ZNF205: variants seen among roughly 807,000 people sequenced by gnomAD.
ZNF205 encodes transcriptional repressor RHIT.
ZNF205 carries 32 observed loss-of-function variants against 53.6 expected under a neutral mutation model. That is an observed-to-expected ratio of 0.60 (90% CI 0.45 to 0.80). ZNF205 has a LOEUF of 0.80. Among genes scored for constraint, ZNF205 ranks in the 30% least tolerant of loss-of-function variants. ZNF205 has a pLI of 0.00. For synonymous variants in ZNF205, 382 were observed against 334.3 expected (o/e 1.14, Z -1.56); for missense variants, 836 against 782.4 (o/e 1.07, Z -0.82).
chr16:3,113,106 G>A (rs555459687), intron 1 of ZNF205, among the ~76,000 whole-genome samples: 2 of 152,192 alleles, frequency 1.3e-5, no homozygotes, highest in African/African-American at 2.4e-5. Context: ...ATTTAGCCTC[G>A]GCTTTCCCTG....
Position 3,115,571 on chromosome 16 carries a change from A to G in ZNF205, c.271+3A>G. 6.3e-7 allele frequency: 1 copy of G among 1,585,672 alleles called. No homozygotes were observed. Among genetic ancestry groups the G allele is most frequent in the Non-Finnish European group, 8.5e-7 (1 of 1,169,864 alleles). On this transcript the variant is annotated splice_donor_region_variant and intron_variant, in intron 3 of 6. Coordinates refer to ENST00000219091, the MANE Select transcript of ZNF205 (RefSeq NM_001042428.2). Reference sequence around the variant, plus strand: ...AGCTCTCTTCCTGCCTGGCGGAGGTAGGAGAGGGACGGGGAAGAGGCGCTT... The same window carrying G: ...AGCTCTCTTCCTGCCTGGCGGAGGTGGGAGAGGGACGGGGAAGAGGCGCTT...
chr16:3,115,669 C>G (rs1957334236), intron 3 of ZNF205, 101 bp downstream of exon 3: 1 of 1,407,938 alleles, frequency 7.1e-7, no homozygotes, highest in Non-Finnish European at 9.5e-7. Flanking sequence ...TCTATGCCAG[C>G]AGGGGACGCT....
At chr16:3,115,764 A>T in intron 3 of ZNF205, 65 bp from the exon 4 acceptor site, 1 of 1,512,738 alleles carries the variant, frequency 6.6e-7, no homozygotes, top group Non-Finnish European at 9.1e-7. Context: ...AGTTTGAGGC[A>T]GCTGAAGTAG....
chr16:3,120,511 A>T lies in ZNF205; in HGVS notation c.*186A>T, dbSNP rs1596301324. 1.4e-6 allele frequency: 1 copy of T among 725,992 alleles called. No homozygotes were observed. Among genetic ancestry groups the T allele is most frequent in the Admixed American group, 3.1e-5 (1 of 32,700 alleles). The allele number at this position is 725,992 out of a possible 1,614,324, so 45.0% of individuals were successfully genotyped here. Reference sequence around the variant, plus strand: ...GCACTCTGCGAATTAAAGGCCTTGGACTTGAAGCGCCCGCCTACACAGCTT... The same window carrying T: ...GCACTCTGCGAATTAAAGGCCTTGGTCTTGAAGCGCCCGCCTACACAGCTT... On this transcript the variant is annotated 3_prime_UTR_variant, in exon 7 of 7. Transcript: ENST00000219091.
In ZNF205 at chr16:3,115,455, C is replaced by A; in HGVS notation, c.158C>A (p.Pro53His). Residue 53 changes from proline to histidine, a missense_variant, in exon 3 of 7, where the codon CCC (proline) becomes CAC (histidine). Coordinates refer to ENST00000219091, the MANE Select transcript of ZNF205 (RefSeq NM_001042428.2). The stretch of plus-strand genomic sequence containing the variant: ...GAGTCACTGCACATTAAGATGGAGC[C>A]CGAAGAGCCACACTCCGAGGGGGCA... The part of the protein sequence containing the change: ...TQESLHIKME[P>H]EEPHSEGASQ... The A allele has an allele frequency of 6.2e-7, 1 of 1,612,118 alleles. No homozygotes were observed. Among genetic ancestry groups the A allele is most frequent in the Middle Eastern group, 1.7e-4 (1 of 6,046 alleles).
intron 2 of ZNF205, 46 bp from the exon 3 acceptor site, chr16:3,115,309 G>C (rs1957325316): frequency 6.9e-7 from 1 of 1,441,198 alleles, no homozygotes; most frequent in Non-Finnish European, 9.2e-7. Context: ...GTGGCCCTGG[G>C]TGTCTCTCCC....
Position 3,115,507 on chromosome 16 carries a change from C to T in ZNF205, c.210C>T (p.Ala70=), listed in dbSNP as rs1450321517. 7 of 1,604,394 alleles carry T rather than the reference C, an allele frequency of 4.4e-6. No individual in the cohort carries two copies. Among genetic ancestry groups the T allele is most frequent in the Non-Finnish European group, 5.1e-6 (6 of 1,176,512 alleles). Residue 70 remains alanine, a synonymous_variant, in exon 3 of 7, where the codon GCC becomes GCT. Coordinates refer to ENST00000219091, the MANE Select transcript of ZNF205 (RefSeq NM_001042428.2). ...GASQEDGAQG[A]WGWAPLSHGS... is the part of the protein sequence containing the mutation. ...CGCAGGAGGATGGGGCTCAAGGTGCCTGGGGCTGGGCACCCCTAAGTCACG... is the reference window on the plus strand; with the variant it reads ...CGCAGGAGGATGGGGCTCAAGGTGCTTGGGGCTGGGCACCCCTAAGTCACG...
rs1387235564 is a variant in ZNF205 at position 3,119,873 on chromosome 16, T to G, written c.1213T>G (p.Ser405Ala). ...DRCAKRFTRR[S>A]DLVTHQGTHT... ...CTGCGCCAAGCGCTTCACCCGCCGC[T>G]CGGACTTGGTCACCCACCAGGGCAC... Residue 405 changes from serine to alanine, a missense_variant, in exon 7 of 7, where the codon TCG becomes GCG. By Grantham distance (99) the Ser-to-Ala change is moderately conservative (BLOSUM62 1). Transcript: ENST00000219091. 3 of 1,613,418 alleles carry G rather than the reference T, an allele frequency of 1.9e-6. No individual in the cohort carries two copies. Among genetic ancestry groups the G allele is most frequent in the Non-Finnish European group, 2.5e-6 (3 of 1,179,880 alleles).
intron 3 of ZNF205, 117 bp downstream of exon 3, chr16:3,115,685 C>T (rs532760819): frequency 7.2e-7 from 1 of 1,390,726 alleles, no homozygotes; most frequent in African/African-American, 1.5e-5. Flanking sequence ...ACGCTATCCC[C>T]CCATGGCCCA....
intron 5 of ZNF205, among the ~76,000 whole-genome samples, chr16:3,118,447 T>C (rs966929919): frequency 6.6e-6 from 1 of 152,098 alleles, no homozygotes; most frequent in African/African-American, 2.4e-5. Flanking sequence ...CCACGGGTGG[T>C]GGAAGCCAGG....
Position 3,112,623 on chromosome 16 carries a change from A to C in ZNF205, c.-74A>C. ...CGCCCGCCCCGTGCAGGCTGTGGAG[A>C]CTCCCTTCCCGGGGGAGGGGGCCCC... On this transcript the variant is annotated 5_prime_UTR_variant, in exon 1 of 7. Transcript: ENST00000219091. The C allele has an allele frequency of 2.4e-5, 7 of 290,670 alleles. No individual in the cohort carries two copies. The highest frequency in any genetic ancestry group is 3.5e-5 in the Non-Finnish European group (5 of 142,562). The allele number at this position is 290,670 out of a possible 1,614,324, so 18.0% of individuals were successfully genotyped here. A position where few individuals can be genotyped will look rare whatever the true frequency, so the allele number is the denominator to read the frequency against.
In ZNF205 at chr16:3,119,472, C is replaced by T. The variant is rs750865328; in HGVS notation, c.812C>T (p.Thr271Met). The part of the protein sequence containing the change: ...PDAAPPDPSP[T>M]EPQEYRVPEK... Reference sequence around the variant, plus strand: ...GCAGCTCCGCCAGACCCCAGTCCCACGGAGCCCCAGGAGTACCGCGTCCCG... The same window carrying T: ...GCAGCTCCGCCAGACCCCAGTCCCATGGAGCCCCAGGAGTACCGCGTCCCG... Residue 271 changes from threonine to methionine, a missense_variant, in exon 7 of 7, where the codon ACG (threonine) becomes ATG (methionine). Transcript: ENST00000219091. 5 of 1,589,438 alleles carry T rather than the reference C, an allele frequency of 3.1e-6. No individual in the cohort carries two copies. Among genetic ancestry groups the T allele is most frequent in the Admixed American group, 1.8e-5 (1 of 56,930 alleles).
At position 3,120,300 on chromosome 16, in the gene ZNF205, C is replaced by T; in HGVS notation, c.1640C>T (p.Ala547Val). Reference protein sequence around the residue: ...MLGAAAAGALATPPPAPT With the variant: ...MLGAAAAGALVTPPPAPT Reference sequence around the variant, plus strand: ...GGGGCGGCGGCGGCGGGGGCTCTGGCCACACCCCCACCCGCTCCCACCTAG... The same window carrying T: ...GGGGCGGCGGCGGCGGGGGCTCTGGTCACACCCCCACCCGCTCCCACCTAG... Residue 547 changes from alanine to valine, a missense_variant, in exon 7 of 7, where the codon GCC becomes GTC. Transcript: ENST00000219091. 6 of 1,577,118 alleles carry T rather than the reference C, an allele frequency of 3.8e-6. No homozygotes were observed. Among genetic ancestry groups the T allele is most frequent in the Non-Finnish European group, 5.1e-6 (6 of 1,169,424 alleles).
At position 3,120,341 on chromosome 16, in the gene ZNF205, G is replaced by C. The variant is rs765524146; in HGVS notation, c.*16G>C. ...TCCCACCTAGGAGGCCAGGAAAGGG[G>C]GAGCGGGGCGCCCAGGGCCACTGGA... On this transcript the variant is annotated 3_prime_UTR_variant, in exon 7 of 7. Coordinates refer to ENST00000219091, the MANE Select transcript of ZNF205 (RefSeq NM_001042428.2). 2.0e-6 allele frequency: 3 copies of C among 1,492,154 alleles called. No individual in the cohort carries two copies. The highest frequency in any genetic ancestry group is 2.6e-5 in the South Asian group (2 of 76,252). The allele number at this position is 1,492,154 out of a possible 1,614,324, so 92.4% of individuals were successfully genotyped here.
intron 5 of ZNF205, among the ~76,000 whole-genome samples, chr16:3,117,442 C>CTTTTTTTTT (rs139893783): frequency 1.8e-4 from 13 of 73,178 alleles, no homozygotes; most frequent in Admixed American, 2.1e-4. Flanking sequence ...AGTCCCAGAG[C>CTTTTTTTTT]TTTTTTTTTT....
rs542376586 is a variant in ZNF205 at position 3,119,494 on chromosome 16, C to T, written c.834C>T (p.Val278=). ...CCACGGAGCCCCAGGAGTACCGCGT[C>T]CCGGAGAAGCCCAACGAGGAGGAGA... is the stretch of plus-strand genomic sequence containing the variant. ...PSPTEPQEYR[V]PEKPNEEEKG... Residue 278 remains valine (V), a synonymous_variant, in exon 7 of 7, where the codon GTC becomes GTT. Transcript: ENST00000219091. 1.9e-5 allele frequency: 30 copies of T among 1,593,504 alleles called. 1 individual carries two copies. The South Asian group carries it at 3.3e-4, about 17-fold the overall frequency.
rs886969594 is a variant in ZNF205 at position 3,115,562 on chromosome 16, G to C, written c.265G>C (p.Gly89Arg). 34 of 1,588,718 alleles carry C rather than the reference G, an allele frequency of 2.1e-5. No individual in the cohort carries two copies. Among genetic ancestry groups the C allele is most frequent in the Non-Finnish European group, 2.7e-5 (32 of 1,171,316 alleles). Residue 89 changes from glycine to arginine, a missense_variant, in exon 3 of 7, where the codon GGC becomes CGC. Transcript: ENST00000219091. ...TAAGGAGAAAGCTCTCTTCCTGCCT[G>C]GCGGAGGTAGGAGAGGGACGGGGAA... is the stretch of plus-strand genomic sequence containing the variant. ...GSKEKALFLP[G>R]GALPSPRIPV...
intron 5 of ZNF205, 134 bp downstream of exon 5, chr16:3,116,681 C>A: frequency 7.6e-7 from 1 of 1,308,810 alleles, no homozygotes; most frequent in Non-Finnish European, 1.0e-6. Flanking sequence ...TCTATGGAAA[C>A]TTCTGTAATG....
At position 3,115,480 on chromosome 16, in the gene ZNF205, A is replaced by G. The variant is rs901952156; in HGVS notation, c.183A>G (p.Ala61=). 3.7e-6 allele frequency: 6 copies of G among 1,610,096 alleles called. No homozygotes were observed. Among genetic ancestry groups the G allele is most frequent in the Admixed American group, 1.7e-5 (1 of 59,338 alleles). The stretch of plus-strand genomic sequence containing the variant: ...CCGAAGAGCCACACTCCGAGGGGGC[A>G]TCGCAGGAGGATGGGGCTCAAGGTG... The part of the protein sequence containing the change: ...MEPEEPHSEG[A]SQEDGAQGAW... Residue 61 remains alanine (A), a synonymous_variant, in exon 3 of 7, where the codon GCA becomes GCG. Coordinates refer to ENST00000219091, the MANE Select transcript of ZNF205 (RefSeq NM_001042428.2).
Sources: gnomAD v4.1 joint callset for allele counts (sites outside exome capture counted in the v4.1 genomes callset) on GRCh38, gnomAD v4.1.1 for gene constraint, MANE v1.5 for transcripts, NCBI Gene and HGNC (gene_info 2026-07-23, HGNC 2026-07-21) for gene names.